FRMD4A: variants seen among roughly 807,000 people sequenced by gnomAD.
FRMD4A encodes FERM domain-containing protein 4A.
In FRMD4A, 29 loss-of-function variants were observed where a neutral mutation model predicts 129.1. The observed-to-expected ratio is 0.22, with a 90% CI of 0.17 to 0.31. The LOEUF is 0.31. Ranked by LOEUF, FRMD4A falls within the 10% of genes least tolerant of loss-of-function variation. The pLI is 1.00. For synonymous variants in FRMD4A, 634 were observed against 571.6 expected (o/e 1.11, Z -1.56); for missense variants, 1,272 against 1,375.8 (o/e 0.92, Z 1.19).
chr10:13,778,238 A>ATTTT (rs1318542456), intron 6 of FRMD4A, among the ~76,000 whole-genome samples: 2,128 of 150,752 alleles, frequency 0.014, 97 homozygotes, highest in South Asian at 0.12. Context: ...CATTTATTTA[A>ATTTT]AAAAAAAACC....
At chr10:14,179,655 A>T (rs1841846748) in intron 2 of FRMD4A, among the ~76,000 whole-genome samples, 1 of 152,252 alleles carries the variant, frequency 6.6e-6, no homozygotes, top group Non-Finnish European at 1.5e-5. Context: ...GTAAGAGAAA[A>T]CATTCTACAA....
chr10:14,221,852 G>A (rs921347482), intron 2 of FRMD4A, among the ~76,000 whole-genome samples: 4 of 152,092 alleles, frequency 2.6e-5, no homozygotes, highest in Admixed American at 6.6e-5. Context: ...ACAATGCGCC[G>A]CCAGTGATTT....
intron 2 of FRMD4A, among the ~76,000 whole-genome samples, chr10:14,239,606 G>A (rs1055191322): frequency 2.0e-5 from 3 of 151,438 alleles, no homozygotes; most frequent in African/African-American, 4.9e-5. Context: ...CAGCCTGGGC[G>A]ACATAGCGAG....
intron 2 of FRMD4A, among the ~76,000 whole-genome samples, chr10:14,095,289 C>T (rs749035106): frequency 1.3e-5 from 2 of 152,178 alleles, no homozygotes; most frequent in Non-Finnish European, 2.9e-5. Context: ...TCCCCAGGAA[C>T]GAGTTCAAGT....
chr10:13,790,891 G>A (rs1170626205), intron 5 of FRMD4A, among the ~76,000 whole-genome samples: 2 of 152,082 alleles, frequency 1.3e-5, no homozygotes, highest in African/African-American at 4.8e-5. Flanking sequence ...TTGGGACGTG[G>A]TCACAAAGGG....
Position 13,747,822 on chromosome 10 carries a change from G to T in FRMD4A, c.465-3C>A. 6.4e-7 allele frequency: 1 copy of T among 1,558,020 alleles called. No individual in the cohort carries two copies. The highest frequency in any genetic ancestry group is 8.9e-7 in the Non-Finnish European group (1 of 1,128,898). On this transcript the variant is annotated splice_region_variant and splice_polypyrimidine_tract_variant and intron_variant, in intron 8 of 24. Transcript: ENST00000357447. ...AGTCACTCCTCACAACTTCATTGCT[G>T]AAAGAGAGAATGCCCAGAAACGCAC...
intron 8 of FRMD4A, among the ~76,000 whole-genome samples, chr10:13,751,054 A>T (rs565390960): frequency 3.9e-5 from 6 of 152,286 alleles, no homozygotes; most frequent in African/African-American, 1.2e-4. Flanking sequence ...TCTCAGATCA[A>T]CTTTATTGGA....
chr10:13,956,851 G>T (rs1199758920), intron 2 of FRMD4A, among the ~76,000 whole-genome samples: 1 of 152,208 alleles, frequency 6.6e-6, no homozygotes, highest in Non-Finnish European at 1.5e-5. Flanking sequence ...CTACTCCCTG[G>T]TGTTGGCCCT....
intron 15 of FRMD4A, among the ~76,000 whole-genome samples, chr10:13,682,069 A>G (rs1348794188): frequency 6.6e-6 from 1 of 151,848 alleles, no homozygotes; most frequent in African/African-American, 2.4e-5. Flanking sequence ...AAATTAAAAA[A>G]AAAAATTAGT....
At chr10:13,854,993 C>T (rs907218456) in intron 3 of FRMD4A, among the ~76,000 whole-genome samples, 1 of 152,082 alleles carries the variant, frequency 6.6e-6, no homozygotes, top group Admixed American at 6.6e-5. Flanking sequence ...TAGGGATGAG[C>T]GTCTCAAATA....
chr10:14,206,254 T>C (rs940106177), intron 2 of FRMD4A, among the ~76,000 whole-genome samples: 1 of 152,190 alleles, frequency 6.6e-6, no homozygotes, highest in Non-Finnish European at 1.5e-5. Flanking sequence ...TTTTCTTCTT[T>C]CCATCCCAGC....
At chr10:13,943,642 GTC>G (rs1486685770) in intron 2 of FRMD4A, among the ~76,000 whole-genome samples, 1 of 52,470 alleles carries the variant, frequency 1.9e-5, no homozygotes, top group Non-Finnish European at 3.1e-5. Flanking sequence ...GCAAGACTCT[GTC>G]TCAAAAAAAA....
At chr10:13,953,223 A>G (rs1240512825) in intron 2 of FRMD4A, among the ~76,000 whole-genome samples, 1 of 152,186 alleles carries the variant, frequency 6.6e-6, no homozygotes, top group African/African-American at 2.4e-5. Flanking sequence ...CTTTGCAGGA[A>G]CAATTTTGTG....
chr10:13,836,907 G>A (rs990326102), intron 3 of FRMD4A, among the ~76,000 whole-genome samples: 78 of 152,066 alleles, frequency 5.1e-4, no homozygotes, highest in African/African-American at 1.8e-3. Flanking sequence ...ACAGGCACCC[G>A]CCACCACGCC....
At chr10:14,316,666 T>C (rs1035281812) in intron 2 of FRMD4A, among the ~76,000 whole-genome samples, 7 of 152,200 alleles carry the variant, frequency 4.6e-5, no homozygotes, top group East Asian at 3.8e-4. Flanking sequence ...ATGTTTCTTC[T>C]TTCCCCCAAG....
At chr10:14,026,277 C>G (rs1832981913) in intron 2 of FRMD4A, among the ~76,000 whole-genome samples, 1 of 152,002 alleles carries the variant, frequency 6.6e-6, no homozygotes, top group African/African-American at 2.4e-5. Context: ...TTTTCTTTTC[C>G]CAGAGGAGAT....
intron 2 of FRMD4A, among the ~76,000 whole-genome samples, chr10:13,860,953 C>T (rs562308261): frequency 2.6e-5 from 4 of 152,250 alleles, no homozygotes; most frequent in African/African-American, 7.2e-5. Context: ...CGCCACGGGA[C>T]GTACCAACTC....
intron 2 of FRMD4A, among the ~76,000 whole-genome samples, chr10:14,144,399 C>T (rs937145971): frequency 3.9e-5 from 6 of 152,174 alleles, no homozygotes; most frequent in African/African-American, 1.2e-4. Flanking sequence ...TCTCTCACTC[C>T]TGTTTGCTGC....
chr10:13,835,798 C>T (rs2093863865), intron 3 of FRMD4A, among the ~76,000 whole-genome samples: 2 of 152,154 alleles, frequency 1.3e-5, no homozygotes, highest in Non-Finnish European at 2.9e-5. Flanking sequence ...AAATAAAGTG[C>T]ACAAGAAATG....
Sources: gnomAD v4.1 joint callset for allele counts (sites outside exome capture counted in the v4.1 genomes callset) on GRCh38, gnomAD v4.1.1 for gene constraint, MANE v1.5 for transcripts, NCBI Gene and HGNC (gene_info 2026-07-23, HGNC 2026-07-21) for gene names.